Variants in APOL5 observed in about 807,000 individuals in gnomAD.
APOL5 encodes the protein apolipoprotein L, 5.
Under a neutral mutation model 35.5 loss-of-function variants are expected in APOL5, and 29 were observed. The observed-to-expected ratio is 0.82, with a 90% CI of 0.61 to 1.11. The LOEUF (loss-of-function observed/expected upper bound fraction) is 1.11. APOL5 is among the 50% of genes most tolerant of loss of function. APOL5 has a pLI of 0.00. For missense variants in APOL5, 514 were observed against 530.4 expected (o/e 0.97, Z 0.30); for synonymous variants, 188 against 200.2 (o/e 0.94, Z 0.51).
At position 35,726,213 on chromosome 22, in the gene APOL5, T is replaced by C. The variant is rs753557041; in HGVS notation, c.145T>C (p.Ser49Pro). 6.2e-7 allele frequency: 1 copy of C among 1,606,820 alleles called. No homozygotes were observed. The highest frequency in any genetic ancestry group is 1.1e-5 in the South Asian group (1 of 90,902). ...WGKSPEPEFPSLVNLCQSWKI... is the reference protein window; with the variant it reads ...WGKSPEPEFPPLVNLCQSWKI... ...TCAGATTGCCTAGATGTCTTTAGCC[T>C]CACTCGTGAACCTGTGCCAGAGTTG... The change falls in exon 3 of 5, where the codon TCA becomes CCA. Residue 49 changes from serine (S) to proline (P), a missense_variant and splice_region_variant. Coordinates refer to ENST00000249044, the MANE Select transcript of APOL5 (RefSeq NM_030642.1).
chr22:35,728,314 C>T (rs1927244803), intron 3 of APOL5, among the ~76,000 whole-genome samples: 1 of 152,204 alleles, frequency 6.6e-6, no homozygotes, highest in African/African-American at 2.4e-5. Context: ...AGCTCCGCCT[C>T]CCGGGTTCAC....
At chr22:35,722,588 A>T (rs1207038645) in intron 2 of APOL5, among the ~76,000 whole-genome samples, 1 of 152,234 alleles carries the variant, frequency 6.6e-6, no homozygotes, top group Non-Finnish European at 1.5e-5. Context: ...GGCATGAGCC[A>T]CTGCGCCCGG....
chr22:35,727,303 G>T, intron 3 of APOL5, 109 bp downstream of exon 3: 1 of 1,459,616 alleles, frequency 6.9e-7, no homozygotes, highest in South Asian at 1.4e-5. Flanking sequence ...AACTACAGCT[G>T]CCCCTTCTGC....
the APOL5 span, among the ~76,000 whole-genome samples, chr22:35,712,262 A>G: frequency 1.3e-5 from 2 of 151,430 alleles, no homozygotes; most frequent in African/African-American, 4.9e-5. Context: ...TCCTGCCCCA[A>G]CCTCCCAAAG....
chr22:35,727,084 A>G lies in APOL5; in HGVS notation c.1016A>G (p.Glu339Gly), dbSNP rs780921210. The change falls in exon 3 of 5, where the codon GAG becomes GGG. Residue 339 changes from glutamate (E) to glycine (G), a missense_variant. Transcript: ENST00000249044. Reference protein sequence around the residue: ...LRALAKKLEQELDRLTQHHRH... With the variant: ...LRALAKKLEQGLDRLTQHHRH... ...GCACTTGCTAAGAAGCTGGAGCAGG[A>G]GCTGGACCGGCTCACCCAGCACCAC... The G allele has an allele frequency of 6.2e-7, 1 of 1,612,728 alleles. No individual in the cohort carries two copies. Among genetic ancestry groups the G allele is most frequent in the Non-Finnish European group, 8.5e-7 (1 of 1,180,020 alleles).
chr22:35,729,010 GA>G, intron 4 of APOL5, 106 bp downstream of exon 4: 1 of 1,272,172 alleles, frequency 7.9e-7, no homozygotes, highest in South Asian at 1.7e-5. Flanking sequence ...GCCTAACGGG[GA>G]CAGAGGTTGT....
At chr22:35,718,846 T>C (rs1459914992) in intron 1 of APOL5, among the ~76,000 whole-genome samples, 1 of 151,326 alleles carries the variant, frequency 6.6e-6, no homozygotes, top group Non-Finnish European at 1.5e-5. Context: ...TCACCTGAGG[T>C]TGGGAGTTTG....
chr22:35,715,864 T>C (rs1926728099), upstream of APOL5, among the ~76,000 whole-genome samples: 3 of 152,190 alleles, frequency 2.0e-5, no homozygotes, highest in South Asian at 6.2e-4. Flanking sequence ...GCACTGTACC[T>C]ATCTATGTAG....
At chr22:35,728,582 C>T in intron 3 of APOL5, 141 bp from the exon 4 acceptor site, 1 of 926,034 alleles carries the variant, frequency 1.1e-6, no homozygotes, top group Non-Finnish European at 1.6e-6. Context: ...GTTTGGGACC[C>T]ACTGCCCTGG....
chr22:35,711,646 CCCTCCCTCCCTCCCTCT>C, the APOL5 span, among the ~76,000 whole-genome samples: 55 of 143,918 alleles, frequency 3.8e-4, no homozygotes, highest in South Asian at 4.7e-4. Context: ...TTCCTTCCTT[CCCTCCCTCCCTCCCTCT>C]CTTCCTCCCT....
chr22:35,716,916 C>T (rs1926762353), upstream of APOL5, among the ~76,000 whole-genome samples: 1 of 143,724 alleles, frequency 7.0e-6, no homozygotes. Context: ...TAAACAGTCC[C>T]CGGCATGGAT....
chr22:35,726,993 A>G lies in APOL5; in HGVS notation c.925A>G (p.Ser309Gly), dbSNP rs774862750. The G allele has an allele frequency of 6.2e-7, 1 of 1,614,192 alleles. No individual in the cohort carries two copies. Among genetic ancestry groups the G allele is most frequent in the Non-Finnish European group, 8.5e-7 (1 of 1,180,000 alleles). Reference protein sequence around the residue: ...AGFLLMKDMSSFLQSWKHLED... With the variant: ...AGFLLMKDMSGFLQSWKHLED... ...CTTCTTACTTATGAAAGACATGAGC[A>G]GCTTCCTGCAGAGCTGGAAGCACCT... The change falls in exon 3 of 5, where the codon AGC becomes GGC. Residue 309 changes from serine (S) to glycine (G), a missense_variant. This residue lies in a region of APOL5 where 238 missense variants were observed against 229.1 expected (regional missense o/e 1.04). Coordinates refer to ENST00000249044, the MANE Select transcript of APOL5 (RefSeq NM_030642.1).
chr22:35,710,893 G>A, the APOL5 span, among the ~76,000 whole-genome samples: 5 of 152,194 alleles, frequency 3.3e-5, no homozygotes, highest in Admixed American at 2.6e-4. Flanking sequence ...CTGGCCAGGC[G>A]CAGTGGCTCA....
At chr22:35,716,506 C>A (rs1188055928), upstream of APOL5, among the ~76,000 whole-genome samples, 1 of 152,226 alleles carries the variant, frequency 6.6e-6, no homozygotes, top group African/African-American at 2.4e-5. Flanking sequence ...AGGTGATCCA[C>A]CTGCCTCAGC....
At chr22:35,708,590 C>A in the APOL5 span, among the ~76,000 whole-genome samples, 1 of 152,142 alleles carries the variant, frequency 6.6e-6, no homozygotes, top group African/African-American at 2.4e-5. Flanking sequence ...CATCTGTGCT[C>A]TTCACAAACA....
At chr22:35,716,026 T>G (rs1429902442), upstream of APOL5, among the ~76,000 whole-genome samples, 1 of 152,136 alleles carries the variant, frequency 6.6e-6, no homozygotes, top group Non-Finnish European at 1.5e-5. Flanking sequence ...CTGAGTAATT[T>G]TCTACATCCA....
chr22:35,727,140 T>A lies in APOL5; in HGVS notation c.1072T>A (p.Cys358Ser). 6.2e-7 allele frequency: 1 copy of A among 1,609,210 alleles called. No homozygotes were observed. The highest frequency in any genetic ancestry group is 8.5e-7 in the Non-Finnish European group (1 of 1,179,956). The part of the protein sequence containing the change: ...RHLPQKASQT[C>S]SSSRGRAVRG... The stretch of plus-strand genomic sequence containing the variant: ...CCTGCCGCAGAAGGCGAGCCAGACC[T>A]GTTCCAGCTCCCGGGGCAGGGCTGT... Residue 358 changes from cysteine to serine, a missense_variant, in exon 3 of 5, where the codon TGT becomes AGT. Coordinates refer to ENST00000249044, the MANE Select transcript of APOL5 (RefSeq NM_030642.1).
rs544433003 is a variant in APOL5 at position 35,718,898 on chromosome 22, C to T, written c.55+972C>T. On this transcript the variant is annotated intron_variant, in intron 1 of 4. Coordinates refer to ENST00000249044, the MANE Select transcript of APOL5 (RefSeq NM_030642.1). Reference sequence around the variant, plus strand: ...CATGGTGAAACCCCCATCTCTACTACAAATAGAAAACTTATCCAGGCATGG... The same window carrying T: ...CATGGTGAAACCCCCATCTCTACTATAAATAGAAAACTTATCCAGGCATGG... Among the ~76,000 whole-genome samples, 5 of 151,918 alleles carry T rather than the reference C, an allele frequency of 3.3e-5. No homozygotes were observed. In the East Asian group the frequency reaches 9.8e-4, roughly 30 times the overall value.
At chr22:35,716,408 G>A (rs1309678599), upstream of APOL5, among the ~76,000 whole-genome samples, 1 of 152,192 alleles carries the variant, frequency 6.6e-6, no homozygotes, top group African/African-American at 2.4e-5. Context: ...GAGTAGCTGG[G>A]ATTACAGGTG....
Sources: allele counts gnomAD v4.1 joint callset (sites outside exome capture counted in the v4.1 genomes callset), GRCh38; gene constraint gnomAD v4.1.1; regional missense constraint gnomAD v4.1.1; transcripts MANE v1.5; gene names NCBI Gene and HGNC (gene_info 2026-07-23, HGNC 2026-07-21).